Variants in SERPINA5 observed in about 807,000 individuals in gnomAD.
The protein encoded by SERPINA5 is plasma serine protease inhibitor.
A neutral mutation model predicts 25.3 loss-of-function variants in SERPINA5; 25 were observed. That is an observed-to-expected ratio of 0.99 (90% confidence interval 0.72 to 1.38). The LOEUF is 1.38. SERPINA5 is among the 40% of genes most tolerant of loss of function. The probability of loss-of-function intolerance (pLI) is 0.00; values close to 1 mark genes in which losing one functional copy is unlikely to be tolerated. For missense variants in SERPINA5, 599 were observed against 509.5 expected (o/e 1.18, Z -1.69); for synonymous variants, 234 against 206.2 (o/e 1.14, Z -1.16).
intron 2 of SERPINA5, among the ~76,000 whole-genome samples, chr14:94,585,577 C>T (rs898438431): frequency 2.0e-5 from 3 of 152,150 alleles, no homozygotes; most frequent in East Asian, 1.9e-4. Context: ...AATTGGGTCA[C>T]GGGATGCTGT....
chr14:94,591,105 AGTTCC>A (rs1885267196), intron 5 of SERPINA5, among the ~76,000 whole-genome samples: 1 of 135,520 alleles, frequency 7.4e-6, no homozygotes, highest in Non-Finnish European at 1.6e-5. Context: ...CACTCTATTC[AGTTCC>A]ACTCCACTCC....
chr14:94,590,010 CT>C, intron 3 of SERPINA5, 30 bp from the exon 4 acceptor site: 1 of 1,550,080 alleles, frequency 6.5e-7, no homozygotes, highest in Non-Finnish European at 8.7e-7. Flanking sequence ...ACACAAAATT[CT>C]TTTTCATTTT....
At chr14:94,582,278 C>T (rs1236632758) in intron 2 of SERPINA5, 2 of 152,214 alleles carry the variant, frequency 1.3e-5, no homozygotes, top group Non-Finnish European at 2.9e-5. Flanking sequence ...CTTCCTTGGG[C>T]CAGTGTCCTT....
At position 94,587,599 on chromosome 14, in the gene SERPINA5, C is replaced by G; in HGVS notation, c.237C>G (p.Leu79=). Residue 79 remains leucine (L), a synonymous_variant, in exon 3 of 6, where the codon CTC becomes CTG. Coordinates refer to ENST00000329597, the MANE Select transcript of SERPINA5 (RefSeq NM_000624.6). The part of the protein sequence containing the change: ...PVSISMSLAM[L]SLGAGSSTKM... ...GCATCTCCATGAGCCTGGCCATGCT[C>G]TCCCTGGGGGCTGGGTCCAGCACAA... is the stretch of plus-strand genomic sequence containing the variant. The G allele has an allele frequency of 1.2e-6, 2 of 1,614,072 alleles. No individual in the cohort carries two copies. The highest frequency in any genetic ancestry group is 1.7e-6 in the Non-Finnish European group (2 of 1,179,974).
intron 2 of SERPINA5, among the ~76,000 whole-genome samples, chr14:94,585,858 T>C (rs1044607134): frequency 6.6e-5 from 10 of 151,872 alleles, no homozygotes; most frequent in African/African-American, 2.2e-4. Context: ...GATGGGGCTT[T>C]TGCCAGAAAC....
chr14:94,591,589 A>ATTCTATTC (rs1885301764), intron 5 of SERPINA5, among the ~76,000 whole-genome samples: 3 of 148,388 alleles, frequency 2.0e-5, no homozygotes, highest in East Asian at 2.0e-4. Flanking sequence ...ATTCTATTCT[A>ATTCTATTC]TTCTATTCTA....
At position 94,587,787 on chromosome 14, in the gene SERPINA5, AG is replaced by A. The variant is rs1251098056; in HGVS notation, c.427del (p.Asp143ThrfsTer4). On this transcript the variant is annotated frameshift_variant, in exon 3 of 6. Coordinates refer to ENST00000329597, the MANE Select transcript of SERPINA5 (RefSeq NM_000624.6). LOFTEE classifies it high-confidence loss of function. Reference protein sequence around the residue: ...ALFTDLVVDLQDTFVSAMKTL... With the variant: ...ALFTDLVVDLXDTFVSAMKTL... ...TTCACCGACCTGGTGGTAGACCTGC[AG>A]GACACCTTCGTAAGTGCCATGAAGA... The A allele has an allele frequency of 6.2e-7, 1 of 1,614,098 alleles. No individual in the cohort carries two copies. Among genetic ancestry groups the A allele is most frequent in the Non-Finnish European group, 8.5e-7 (1 of 1,180,044 alleles).
chr14:94,587,132 C>T, intron 2 of SERPINA5: 1 of 518,836 alleles, frequency 1.9e-6, no homozygotes. Flanking sequence ...TGCACCTCCT[C>T]TCCCTCCTTC....
At chr14:94,590,672 C>A in intron 4 of SERPINA5, 77 bp from the exon 5 acceptor site, 1 of 1,470,218 alleles carries the variant, frequency 6.8e-7, no homozygotes, top group South Asian at 1.3e-5. Context: ...GAATCCAGTG[C>A]ATTATGAATC....
In SERPINA5 at chr14:94,587,641, G is replaced by A. The variant is rs780496878; in HGVS notation, c.279G>A (p.Glu93=). 13 of 1,613,968 alleles carry A rather than the reference G, an allele frequency of 8.1e-6. No individual in the cohort carries two copies. Among genetic ancestry groups the A allele is most frequent in the Middle Eastern group, 3.3e-4 (2 of 6,084 alleles). ...AGSSTKMQIL[E]GLGLNLQKSS... is the part of the protein sequence containing the mutation. ...CCAGCACAAAGATGCAGATCCTGGA[G>A]GGCCTGGGCCTCAACCTCCAGAAAA... is the stretch of plus-strand genomic sequence containing the variant. Residue 93 remains glutamate, a synonymous_variant, in exon 3 of 6, where the codon GAG becomes GAA. Transcript: ENST00000329597.
chr14:94,587,638 G>A lies in SERPINA5; in HGVS notation c.276G>A (p.Leu92=), dbSNP rs771690010. 1 of 1,614,056 alleles carries A rather than the reference G, an allele frequency of 6.2e-7. No homozygotes were observed. Among genetic ancestry groups the A allele is most frequent in the Non-Finnish European group, 8.5e-7 (1 of 1,179,966 alleles). ...GGTCCAGCACAAAGATGCAGATCCT[G>A]GAGGGCCTGGGCCTCAACCTCCAGA... ...GAGSSTKMQI[L]EGLGLNLQKS... is the part of the protein sequence containing the mutation. The change falls in exon 3 of 6, where the codon CTG becomes CTA. Residue 92 remains leucine (L), a synonymous_variant. Transcript: ENST00000329597.
intron 5 of SERPINA5, among the ~76,000 whole-genome samples, 171 bp downstream of exon 5, chr14:94,591,067 T>G (rs1447733754): frequency 7.0e-6 from 1 of 143,728 alleles, no homozygotes; most frequent in African/African-American, 2.6e-5. Context: ...GTTCACTTTA[T>G]TCAATTCCAC....
At position 94,592,476 on chromosome 14, in the gene SERPINA5, A is replaced by G. The variant is rs938; in HGVS notation, c.*237A>G. On this transcript the variant is annotated 3_prime_UTR_variant, in exon 6 of 6. Coordinates refer to ENST00000329597, the MANE Select transcript of SERPINA5 (RefSeq NM_000624.6). ...CGTCACTATTCATCAATGAAGATTAACACTGAGATCCAGAGAGGCTGGATG... is the reference window on the plus strand; with the variant it reads ...CGTCACTATTCATCAATGAAGATTAGCACTGAGATCCAGAGAGGCTGGATG... 190,142 of 455,676 alleles carry G rather than the reference A, an allele frequency of 0.42. 42,890 individuals carry two copies. Among genetic ancestry groups the G allele is most frequent in the Middle Eastern group, 0.55 (915 of 1,670 alleles). The allele number at this position is 455,676 out of a possible 1,614,324, so 28.2% of individuals were successfully genotyped here.
chr14:94,586,510 G>A (rs766596823), intron 2 of SERPINA5, among the ~76,000 whole-genome samples: 1 of 152,256 alleles, frequency 6.6e-6, no homozygotes, highest in Non-Finnish European at 1.5e-5. Context: ...GTGTAAGGAC[G>A]TAGTCATATT....
rs1211942263 is a variant in SERPINA5, at chr14:94,590,295, A to T, written c.874A>T (p.Lys292Ter). Reference sequence around the variant, plus strand: ...TGAGAAAACGCTGAGGAAGTGGCTTAAGATGTTCAAAAAGAGGTACTTTCA... The same window carrying T: ...TGAGAAAACGCTGAGGAAGTGGCTTTAGATGTTCAAAAAGAGGTACTTTCA... ...LSEKTLRKWLKMFKKRQLELY... is the reference protein window; with the variant it reads ...LSEKTLRKWL The change falls in exon 4 of 6, where the codon AAG (lysine) becomes TAG (stop). Residue 292 changes from lysine (K) to a stop codon, truncating the protein, a stop_gained. Transcript: ENST00000329597. LOFTEE classifies it high-confidence loss of function. The T allele has an allele frequency of 6.2e-7, 1 of 1,601,770 alleles. No individual in the cohort carries two copies. The highest frequency in any genetic ancestry group is 2.2e-5 in the East Asian group (1 of 44,628).
At chr14:94,590,566 G>A in intron 4 of SERPINA5, 183 bp from the exon 5 acceptor site, 1 of 818,088 alleles carries the variant, frequency 1.2e-6, no homozygotes, top group Non-Finnish European at 1.8e-6. Context: ...CAAGTCCAGA[G>A]CAAGGGGAGG....
rs2139931280 is a variant in SERPINA5 at position 94,590,867 on chromosome 14, A to G, written c.1009A>G (p.Ser337Gly). 4 of 1,612,672 alleles carry G rather than the reference A, an allele frequency of 2.5e-6. No individual in the cohort carries two copies. Among genetic ancestry groups the G allele is most frequent in the Non-Finnish European group, 3.4e-6 (4 of 1,179,146 alleles). Residue 337 changes from serine (S) to glycine (G), a missense_variant, in exon 5 of 6, where the codon AGC becomes GGC. Transcript: ENST00000329597. Reference sequence around the variant, plus strand: ...CTCCCATGCTGATCTGTCCGGCATCAGCAACCACTCAAATATCCAGGTGTC... The same window carrying G: ...CTCCCATGCTGATCTGTCCGGCATCGGCAACCACTCAAATATCCAGGTGTC... ...FTSHADLSGI[S>G]NHSNIQVSEM...
At chr14:94,585,288 A>G (rs1478981898) in intron 2 of SERPINA5, among the ~76,000 whole-genome samples, 1 of 152,098 alleles carries the variant, frequency 6.6e-6, no homozygotes, top group Non-Finnish European at 1.5e-5. Context: ...GGTGCGGGCA[A>G]TGCGCCCAAC....
chr14:94,591,600 T>TTCTATTCTATTCTAG lies in SERPINA5; in HGVS notation c.1039-444_1039-443insAGTCTATTCTATTCT, dbSNP rs1885303310. On this transcript the variant is annotated intron_variant, in intron 5 of 5. Transcript: ENST00000329597. ...TTCTATTCTATTCTATTCTATTCTA[T>TTCTATTCTATTCTAG]TCTATTCTATTCTCTCCCTCTCCCT... Among the ~76,000 whole-genome samples the TTCTATTCTATTCTAG allele has an allele frequency of 2.7e-5, 4 of 145,944 alleles. No individual in the cohort carries two copies. The East Asian group carries it at 7.9e-4, about 29-fold the overall frequency.
Sources: gnomAD v4.1 joint callset for allele counts (sites outside exome capture counted in the v4.1 genomes callset) on GRCh38, gnomAD v4.1.1 for gene constraint, MANE v1.5 for transcripts, NCBI Gene and HGNC (gene_info 2026-07-23, HGNC 2026-07-21) for gene names.